Variants in TPTE2 observed in about 807,000 individuals in gnomAD.
The protein encoded by TPTE2 is transmembrane phosphoinositide 3-phosphatase and tensin homolog 2.
TPTE2 carries 53 observed loss-of-function variants against 78.6 expected under a neutral mutation model. The observed-to-expected ratio is 0.67, with a 90% CI of 0.54 to 0.85. The LOEUF (loss-of-function observed/expected upper bound fraction) is 0.85. TPTE2 is among the 40% of genes least tolerant of loss of function. The pLI, the probability that TPTE2 is intolerant of heterozygous loss-of-function variation, is 0.00. For synonymous variants in TPTE2, 175 were observed against 206.2 expected (o/e 0.85, Z 1.30); for missense variants, 461 against 623.0 (o/e 0.74, Z 2.77).
At chr13:19,463,954 C>T (rs1220933839) in intron 10 of TPTE2, among the ~76,000 whole-genome samples, 1 of 152,062 alleles carries the variant, frequency 6.6e-6, no homozygotes, top group Non-Finnish European at 1.5e-5. Flanking sequence ...GTCCTCAGTG[C>T]CTTAGAAGTG....
In TPTE2 at chr13:19,535,930, C is replaced by T. The variant is rs1871188962; in HGVS notation, c.-44+666G>A. ...GGATTACAGGTGTGAGCCACCATGCCCAGCCTACCTCCAGGATTTTTAATT... is the reference window on the plus strand; with the variant it reads ...GGATTACAGGTGTGAGCCACCATGCTCAGCCTACCTCCAGGATTTTTAATT... On this transcript the variant is annotated intron_variant, in intron 1 of 17. Transcript: ENST00000390680. The surrounding 1 kb of genome is among the most constrained non-coding windows in gnomAD (Gnocchi z 5.1). 1.3e-5 allele frequency among the ~76,000 whole-genome samples: 2 copies of T among 152,114 alleles called. No homozygotes were observed. The highest frequency in any genetic ancestry group is 4.1e-4 in the South Asian group (2 of 4,828).
intron 14 of TPTE2, among the ~76,000 whole-genome samples, chr13:19,437,750 A>C (rs1395133732): frequency 6.6e-6 from 1 of 152,126 alleles, no homozygotes; most frequent in Non-Finnish European, 1.5e-5. Context: ...CTTTATTTAA[A>C]ATGTTGATAT....
intron 1 of TPTE2, among the ~76,000 whole-genome samples, chr13:19,508,472 T>A: frequency 6.6e-6 from 1 of 150,906 alleles, no homozygotes; most frequent in South Asian, 2.1e-4. Context: ...AGAATGGGAG[T>A]TGTAAGAAAA....
chr13:19,469,814 C>G (rs1879495003), intron 6 of TPTE2, among the ~76,000 whole-genome samples: 1 of 152,002 alleles, frequency 6.6e-6, no homozygotes, highest in Non-Finnish European at 1.5e-5. Flanking sequence ...TTTAAATGTC[C>G]TTTCCAAATG....
chr13:19,438,174 G>C, intron 13 of TPTE2, 21 bp from the exon 17 acceptor site: 1 of 1,605,234 alleles, frequency 6.2e-7, no homozygotes, highest in Non-Finnish European at 8.5e-7. Context: ...AAAGAAGTTA[G>C]TTCAAGAACA....
At chr13:19,536,192 T>C (rs886939141) in intron 1 of TPTE2, among the ~76,000 whole-genome samples, 1 of 152,114 alleles carries the variant, frequency 6.6e-6, no homozygotes. Flanking sequence ...TGGAATCTGA[T>C]AATTCTGAGA....
Position 19,465,451 on chromosome 13 carries a change from T to C in TPTE2, c.612+14A>G, listed in dbSNP as rs1438077171. 4 of 1,608,906 alleles carry C rather than the reference T, an allele frequency of 2.5e-6. No individual in the cohort carries two copies. On this transcript the variant is annotated intron_variant, in intron 8 of 19. Transcript: ENST00000400230. ...AATATTTTTCTGAATCATAAGCATG[T>C]TTTGCCCACTTACCAGCCTTCTCAT...
chr13:19,524,363 G>A (rs1229751769), intron 1 of TPTE2, among the ~76,000 whole-genome samples: 1 of 152,140 alleles, frequency 6.6e-6, no homozygotes, highest in East Asian at 1.9e-4. Flanking sequence ...CATATTCATA[G>A]TCCAAGAAAC....
chr13:19,543,787 G>T, the TPTE2 span, among the ~76,000 whole-genome samples: 1 of 152,106 alleles, frequency 6.6e-6, no homozygotes, highest in South Asian at 2.1e-4. Context: ...AAGAGGCCAG[G>T]CGCCATGGCT....
At chr13:19,424,067 T>C (rs1875815781) in intron 19 of TPTE2, among the ~76,000 whole-genome samples, 1 of 152,242 alleles carries the variant, frequency 6.6e-6, no homozygotes, top group African/African-American at 2.4e-5. Context: ...TAATTTCCTG[T>C]TGCCTTGCTG....
At chr13:19,534,379 T>C (rs1302248283) in intron 1 of TPTE2, among the ~76,000 whole-genome samples, 1 of 152,206 alleles carries the variant, frequency 6.6e-6, no homozygotes, top group African/African-American at 2.4e-5. Context: ...TATGAAACGC[T>C]CCCTTGGGGG....
chr13:19,452,525 CAAAT>C (rs773497821), intron 10 of TPTE2, among the ~76,000 whole-genome samples: 3 of 152,062 alleles, frequency 2.0e-5, no homozygotes, highest in Non-Finnish European at 4.4e-5. Context: ...GCTAAGGACA[CAAAT>C]AATCCATAAA....
chr13:19,513,004 A>C (rs1404261864), intron 1 of TPTE2, among the ~76,000 whole-genome samples: 1 of 152,252 alleles, frequency 6.6e-6, no homozygotes, highest in East Asian at 1.9e-4. Flanking sequence ...AGATGTTAAA[A>C]GGGAATAGTA....
At chr13:19,496,861 T>C (rs139005790) in intron 1 of TPTE2, among the ~76,000 whole-genome samples, 3,230 of 152,234 alleles carry the variant, frequency 0.021, 126 homozygotes, top group African/African-American at 0.074. Flanking sequence ...CGGAAGACAG[T>C]GATTTCTGCA....
At chr13:19,512,363 A>T (rs1869507352) in intron 1 of TPTE2, among the ~76,000 whole-genome samples, 1 of 152,226 alleles carries the variant, frequency 6.6e-6, no homozygotes, top group Non-Finnish European at 1.5e-5. Context: ...CACCCCTCTC[A>T]CACTTCAAAA....
chr13:19,501,432 T>C (rs1470960977), intron 1 of TPTE2, among the ~76,000 whole-genome samples: 1 of 129,636 alleles, frequency 7.7e-6, no homozygotes, highest in South Asian at 2.9e-4. Flanking sequence ...CAAAACAGCA[T>C]GGTACTGGCA....
chr13:19,443,013 C>A (rs1877591194), intron 13 of TPTE2, among the ~76,000 whole-genome samples: 1 of 151,920 alleles, frequency 6.6e-6, no homozygotes, highest in African/African-American at 2.4e-5. Context: ...AGAATAAAAA[C>A]AGAGAAAATG....
chr13:19,543,981 G>A, the TPTE2 span, among the ~76,000 whole-genome samples: 7 of 145,590 alleles, frequency 4.8e-5, no homozygotes, highest in South Asian at 1.5e-3. Context: ...AGGATCACCT[G>A]AACCTGGGAG....
intron 1 of TPTE2, among the ~76,000 whole-genome samples, chr13:19,494,271 C>A (rs535677886): frequency 2.0e-5 from 3 of 152,326 alleles, no homozygotes; most frequent in African/African-American, 7.2e-5. Context: ...GTTATTTATA[C>A]ACGATACAGT....
Sources: allele counts gnomAD v4.1 joint callset (sites outside exome capture counted in the v4.1 genomes callset), GRCh38; gene constraint gnomAD v4.1.1; non-coding constraint Gnocchi (gnomAD v3.1); transcripts MANE v1.5; gene names NCBI Gene and HGNC (gene_info 2026-07-23, HGNC 2026-07-21).